GTPBP6: variants seen among roughly 807,000 people sequenced by gnomAD.
GTPBP6 encodes GTP binding protein 6, also known as putative GTP-binding protein 6.
In GTPBP6, 33 loss-of-function variants were observed where a neutral mutation model predicts 28.9. The observed-to-expected ratio is 1.14, with a 90% CI of 0.87 to 1.53. The LOEUF (loss-of-function observed/expected upper bound fraction) is 1.53, where lower values mean the gene tolerates loss of function less well. GTPBP6 is among the 40% of genes most tolerant of loss of function. GTPBP6 has a pLI of 0.00. For missense variants in GTPBP6, 507 were observed against 408.3 expected (o/e 1.24, Z -2.08); for synonymous variants, 231 against 192.7 (o/e 1.20, Z -1.65).
chrX:312,469 G>A (rs1208339288), intron 6 of GTPBP6: 2 of 509,580 alleles, frequency 3.9e-6, no homozygotes, highest in Non-Finnish European at 3.7e-6. Flanking sequence ...ATGGAGGGGA[G>A]ATTGTGGTAT....
chrX:313,056 C>T (rs1312051463), intron 5 of GTPBP6, 132 bp from the exon 6 acceptor site: 3 of 700,520 alleles, frequency 4.3e-6, no homozygotes, highest in Non-Finnish European at 7.1e-6. Flanking sequence ...GCTGCTTTCC[C>T]CAGCAGCGGC....
chrX:310,815 GC>G (rs1352700034), intron 7 of GTPBP6, among the ~76,000 whole-genome samples: 1 of 151,816 alleles, frequency 6.6e-6, no homozygotes, highest in East Asian at 1.9e-4. Flanking sequence ...CCCATTTGTG[GC>G]CCCTTTTGCA....
chrX:313,285 A>G (rs1028905635), intron 5 of GTPBP6, among the ~76,000 whole-genome samples: 1 of 152,196 alleles, frequency 6.6e-6, no homozygotes, highest in Non-Finnish European at 1.5e-5. Context: ...GAACCTGGGA[A>G]TGGGACCTGA....
intron 4 of GTPBP6, among the ~76,000 whole-genome samples, 168 bp from the exon 5 acceptor site, chrX:314,385 C>A (rs776226878): frequency 6.6e-6 from 1 of 152,182 alleles, no homozygotes; most frequent in South Asian, 2.1e-4. Context: ...TGACGCGTGT[C>A]CCGGGCCGAG....
At chrX:306,794 A>G (rs2070176912) in intron 9 of GTPBP6, among the ~76,000 whole-genome samples, 1 of 151,066 alleles carries the variant, frequency 6.6e-6, no homozygotes, top group South Asian at 2.1e-4. Flanking sequence ...TTTCACTGTC[A>G]GCATAATTAG....
intron 7 of GTPBP6, among the ~76,000 whole-genome samples, chrX:311,135 G>A (rs1040438655): frequency 1.5e-5 from 2 of 137,468 alleles, no homozygotes; most frequent in African/African-American, 5.6e-5. Flanking sequence ...GGGAGGCTTG[G>A]GGGACACTAA....
intron 7 of GTPBP6, among the ~76,000 whole-genome samples, chrX:309,500 G>C (rs1482337988): frequency 6.6e-6 from 1 of 152,224 alleles, no homozygotes; most frequent in African/African-American, 2.4e-5. Flanking sequence ...ACACAGAAGA[G>C]AAGGGGACCT....
At chrX:304,902 G>C (rs955374428) in exon 10 of GTPBP6, 13 of 1,445,694 alleles carry the variant, frequency 9.0e-6, no homozygotes, top group Non-Finnish European at 1.2e-5. Context: ...AGGTGCGGCC[G>C]TGTCACCGGC....
At chrX:312,224 G>C (rs767340434) in intron 6 of GTPBP6, 1 of 413,424 alleles carries the variant, frequency 2.4e-6, no homozygotes, top group Admixed American at 2.7e-5. Flanking sequence ...TGGTGGTATA[G>C]CTGGGGCAGT....
At chrX:312,235 G>A in intron 6 of GTPBP6, 1 of 397,228 alleles carries the variant, frequency 2.5e-6, no homozygotes, top group South Asian at 1.7e-5. Flanking sequence ...CTGGGGCAGT[G>A]GTGCCAGTGT....
chrX:315,238 G>A, exon 3 of GTPBP6: 1 of 398,630 alleles, frequency 2.5e-6, no homozygotes, highest in Non-Finnish European at 4.4e-6. Flanking sequence ...CCTTGGTCGG[G>A]GCAGCCATCC....
exon 10 of GTPBP6, chrX:304,961 C>A: frequency 6.6e-7 from 1 of 1,507,298 alleles, no homozygotes; most frequent in Non-Finnish European, 8.9e-7. Context: ...GGTGCAGAAC[C>A]AGACAAGGAG....
exon 4 of GTPBP6, chrX:314,964 C>T (rs1355150399): frequency 4.5e-5 from 18 of 398,622 alleles, no homozygotes; most frequent in Non-Finnish European, 7.1e-5. Context: ...GGAAGATGTG[C>T]AGGACGACCG....
chrX:310,842 C>T (rs953479080), intron 7 of GTPBP6, among the ~76,000 whole-genome samples: 2 of 151,960 alleles, frequency 1.3e-5, no homozygotes, highest in African/African-American at 4.8e-5. Context: ...AGCCTCAGGA[C>T]CCCACAGGTG....
exon 4 of GTPBP6, chrX:314,899 G>A (rs1208678884): frequency 5.5e-4 from 220 of 398,868 alleles, no homozygotes; most frequent in African/African-American, 1.9e-3. Context: ...CCTGTGCAGC[G>A]GCATCTCCGC....
intron 2 of GTPBP6, 55 bp from the exon 3 acceptor site, chrX:315,354 G>A (rs1340386036): frequency 5.0e-6 from 2 of 398,564 alleles, no homozygotes; most frequent in Admixed American, 4.4e-5. Context: ...CGTGGACTGT[G>A]GGATGAGCCC....
rs2070403543 is a variant in GTPBP6 at position 315,023 on chromosome X, G to A, written c.559-3C>T. ...CCCCAGGCGGCTTCCAGTTCTTTCT[G>A]CAAAAGGAGAGAGCAACTGAGAAGC... is the stretch of plus-strand genomic sequence containing the variant. On this transcript the variant is annotated splice_region_variant and splice_polypyrimidine_tract_variant and intron_variant, in intron 3 of 9. Transcript: ENST00000326153. The A allele has an allele frequency of 2.5e-6, 1 of 398,672 alleles. No individual in the cohort carries two copies. Among genetic ancestry groups the A allele is most frequent in the Middle Eastern group, 6.3e-4 (1 of 1,588 alleles). 24.7% of individuals were successfully genotyped at this position (398,672 alleles called of 1,614,324 possible).
intron 1 of GTPBP6, among the ~76,000 whole-genome samples, chrX:317,572 G>GGGGGGA (rs1251235729): frequency 8.9e-6 from 1 of 112,884 alleles, no homozygotes; most frequent in Non-Finnish European, 1.8e-5. Context: ...TGGGGGGTGG[G>GGGGGGA]ACTAGACACA....
intron 6 of GTPBP6, chrX:312,070 AGAG>A: frequency 1.1e-5 from 5 of 450,132 alleles, no homozygotes; most frequent in South Asian, 8.8e-5. Context: ...TGGTGTAGAC[AGAG>A]GAGAGGCGAT....
Sources: gnomAD v4.1 joint callset for allele counts (sites outside exome capture counted in the v4.1 genomes callset) on GRCh38, gnomAD v4.1.1 for gene constraint, MANE v1.5 for transcripts, NCBI Gene and HGNC (gene_info 2026-07-23, HGNC 2026-07-21) for gene names.